ENTREP2: variants seen among roughly 807,000 people sequenced by gnomAD.
The protein encoded by ENTREP2 is endosomal transmembrane epsin interactor 2, also known as protein ENTREP2.
chr15:29,314,172 A>T, the ENTREP2 span, among the ~76,000 whole-genome samples: 1 of 152,256 alleles, frequency 6.6e-6, no homozygotes, highest in Non-Finnish European at 1.5e-5. Flanking sequence ...TACTGCAGAC[A>T]TTATTGAAAT....
At chr15:29,444,484 CTTTT>C in the ENTREP2 span, among the ~76,000 whole-genome samples, 2 of 126,084 alleles carry the variant, frequency 1.6e-5, no homozygotes, top group Non-Finnish European at 3.5e-5. Flanking sequence ...TCTTTTTTTT[CTTTT>C]TTTTTTTCTT....
At chr15:29,280,629 C>G in the ENTREP2 span, among the ~76,000 whole-genome samples, 14 of 152,194 alleles carry the variant, frequency 9.2e-5, no homozygotes, top group South Asian at 2.1e-4. Context: ...AATGCCCCCC[C>G]ACACAGGTTA....
the ENTREP2 span, among the ~76,000 whole-genome samples, chr15:29,648,389 C>G: frequency 1.3e-5 from 2 of 152,244 alleles, no homozygotes; most frequent in Non-Finnish European, 1.5e-5. Context: ...GCCAGCACTG[C>G]TCTGCAAGCC....
At chr15:29,122,417 C>G in the ENTREP2 span, 1 of 152,120 alleles carries the variant, frequency 6.6e-6, no homozygotes, top group Admixed American at 6.5e-5. Context: ...AAGGTCAGCT[C>G]TGGGTCAAAG....
chr15:29,381,894 C>T, the ENTREP2 span: 1 of 1,452,414 alleles, frequency 6.9e-7, no homozygotes, highest in African/African-American at 1.4e-5. Flanking sequence ...GCAATCAAAA[C>T]ACTGTGAACC....
At chr15:29,355,104 G>A in the ENTREP2 span, among the ~76,000 whole-genome samples, 3 of 152,112 alleles carry the variant, frequency 2.0e-5, no homozygotes, top group Non-Finnish European at 4.4e-5. Flanking sequence ...CTGTCTCAGG[G>A]TGAATCCTAC....
At chr15:29,560,484 C>T in the ENTREP2 span, among the ~76,000 whole-genome samples, 1 of 152,176 alleles carries the variant, frequency 6.6e-6, no homozygotes, top group African/African-American at 2.4e-5. Context: ...TGAAGCTCCG[C>T]TGGCCCCATC....
chr15:29,223,680 T>A, the ENTREP2 span, among the ~76,000 whole-genome samples: 1 of 152,006 alleles, frequency 6.6e-6, no homozygotes, highest in South Asian at 2.1e-4. Flanking sequence ...GCGGGCCCAG[T>A]AGAACTCCTG....
chr15:29,477,139 T>G, the ENTREP2 span, among the ~76,000 whole-genome samples: 1 of 152,112 alleles, frequency 6.6e-6, no homozygotes, highest in Non-Finnish European at 1.5e-5. Flanking sequence ...GTTGAAAGTG[T>G]AAGAGATCAG....
At chr15:29,124,555 C>T in the ENTREP2 span, 122 of 683,052 alleles carry the variant, frequency 1.8e-4, no homozygotes, top group Middle Eastern at 3.9e-4. Context: ...CAAAGCCAGA[C>T]AGTGGGCAGC....
At chr15:29,478,013 ATATATAT>A in the ENTREP2 span, among the ~76,000 whole-genome samples, 1 of 65,636 alleles carries the variant, frequency 1.5e-5, no homozygotes, top group African/African-American at 8.2e-5. Flanking sequence ...ATATATATAT[ATATATAT>A]TTTTTTTTTT....
At chr15:29,429,052 C>T in the ENTREP2 span, among the ~76,000 whole-genome samples, 2 of 152,208 alleles carry the variant, frequency 1.3e-5, no homozygotes, top group Non-Finnish European at 2.9e-5. Context: ...TATGCCTGCA[C>T]TGTTAATTAT....
At chr15:29,317,935 G>A in the ENTREP2 span, among the ~76,000 whole-genome samples, 1 of 152,164 alleles carries the variant, frequency 6.6e-6, no homozygotes, top group African/African-American at 2.4e-5. Flanking sequence ...TGAGGGTGTG[G>A]CTTTTGCACG....
At chr15:29,634,738 T>TG in the ENTREP2 span, among the ~76,000 whole-genome samples, 1 of 152,180 alleles carries the variant, frequency 6.6e-6, no homozygotes, top group Non-Finnish European at 1.5e-5. Flanking sequence ...GGCTTCAAGT[T>TG]GGGGTCCCCA....
the ENTREP2 span, among the ~76,000 whole-genome samples, chr15:29,136,087 G>C: frequency 6.6e-6 from 1 of 152,256 alleles, no homozygotes; most frequent in Non-Finnish European, 1.5e-5. Context: ...ACCAGCACTG[G>C]GTTCCCCAGG....
the ENTREP2 span, among the ~76,000 whole-genome samples, chr15:29,670,195 G>T: frequency 3.1e-4 from 47 of 152,298 alleles, no homozygotes; most frequent in Middle Eastern, 6.8e-3. Context: ...TGGGGGCTGG[G>T]GACTGAAGGG....
chr15:29,134,758 G>A, the ENTREP2 span, among the ~76,000 whole-genome samples: 1 of 152,194 alleles, frequency 6.6e-6, no homozygotes, highest in African/African-American at 2.4e-5. Flanking sequence ...CTCAGGGTCA[G>A]CGCTGCCTTG....
chr15:29,522,095 C>T, the ENTREP2 span, among the ~76,000 whole-genome samples: 1 of 152,124 alleles, frequency 6.6e-6, no homozygotes, highest in South Asian at 2.1e-4. Context: ...TGAAATAAAC[C>T]TCAATCCATA....
chr15:29,516,979 A>AC, the ENTREP2 span, among the ~76,000 whole-genome samples: 8 of 150,158 alleles, frequency 5.3e-5, no homozygotes, highest in South Asian at 8.3e-4. Flanking sequence ...AAAAAAAAAA[A>AC]AAAAAAAACT....
Sources: allele counts gnomAD v4.1 joint callset (sites outside exome capture counted in the v4.1 genomes callset), GRCh38; gene constraint gnomAD v4.1.1; transcripts MANE v1.5; gene names NCBI Gene and HGNC (gene_info 2026-07-23, HGNC 2026-07-21).